Variants in NCOA3 observed in about 807,000 individuals in gnomAD.
The protein encoded by NCOA3 is CBP-interacting protein.
A neutral mutation model predicts 158.8 loss-of-function variants in NCOA3; 51 were observed. The ratio of observed to expected loss-of-function variants is 0.32; its 90% CI spans 0.26 to 0.41. The LOEUF (loss-of-function observed/expected upper bound fraction) is 0.41. Among genes scored for constraint, NCOA3 ranks in the 10% least tolerant of loss-of-function variants. The pLI is 1.00. For synonymous variants in NCOA3, 537 were observed against 592.4 expected (o/e 0.91, Z 1.36); for missense variants, 1,510 against 1,746.6 (o/e 0.86, Z 2.41).
At chr20:47,516,779 T>C (rs1306965865) in intron 1 of NCOA3, among the ~76,000 whole-genome samples, 2 of 151,748 alleles carry the variant, frequency 1.3e-5, no homozygotes, top group South Asian at 2.1e-4. Context: ...AAAATAAAAT[T>C]AGCCAGGCAT....
At chr20:47,567,999 T>C (rs144144271) in intron 1 of NCOA3, among the ~76,000 whole-genome samples, 11 of 152,360 alleles carry the variant, frequency 7.2e-5, no homozygotes, top group African/African-American at 2.6e-4. Context: ...CCACCATACC[T>C]GGTGGCTTTT....
At chr20:47,538,020 C>T (rs1420687510) in intron 1 of NCOA3, among the ~76,000 whole-genome samples, 2 of 152,186 alleles carry the variant, frequency 1.3e-5, no homozygotes, top group East Asian at 3.9e-4. Context: ...TCTGGGATTA[C>T]AGGTGCCTGC....
At chr20:47,620,339 A>G (rs564398001) in intron 2 of NCOA3, among the ~76,000 whole-genome samples, 78 of 152,304 alleles carry the variant, frequency 5.1e-4, no homozygotes, top group African/African-American at 1.8e-3. Context: ...CTCAAACTCA[A>G]GTGCCTCAAA....
rs2084627615 is a variant in NCOA3, at chr20:47,536,042, T to TTG, written c.-99+34033_-99+34034dup. Among the ~76,000 whole-genome samples the TTG allele has an allele frequency of 2.6e-5, 4 of 152,118 alleles. No individual in the cohort carries two copies. The South Asian group carries it at 6.2e-4, about 24-fold the overall frequency. On this transcript the variant is annotated intron_variant, in intron 1 of 22. Coordinates refer to ENST00000371998, the MANE Select transcript of NCOA3 (RefSeq NM_181659.3). Reference sequence around the variant, plus strand: ...TCTGTTCCTCTCGATGTCCAGCCGCTTGTGTGTGTGTCTGCTTAAGGTCCT... The same window carrying TTG: ...TCTGTTCCTCTCGATGTCCAGCCGCTTGTGTGTGTGTGTCTGCTTAAGGTCCT...
chr20:47,650,146 T>C (rs1016571869), intron 19 of NCOA3, among the ~76,000 whole-genome samples: 3 of 152,068 alleles, frequency 2.0e-5, no homozygotes, highest in African/African-American at 7.2e-5. Flanking sequence ...TTGTGGAATG[T>C]TTCTAGTCAT....
chr20:47,522,506 G>C (rs1031729740), intron 1 of NCOA3, among the ~76,000 whole-genome samples: 1 of 151,632 alleles, frequency 6.6e-6, no homozygotes, highest in South Asian at 2.1e-4. Context: ...CAGAAGGAGG[G>C]GGGCTCCAAA....
chr20:47,580,724 G>C (rs2085439672), intron 1 of NCOA3, among the ~76,000 whole-genome samples: 1 of 152,136 alleles, frequency 6.6e-6, no homozygotes. Context: ...AGATCTTAGA[G>C]GTTCTTTACA....
At chr20:47,634,884 C>T (rs2086482107) in intron 10 of NCOA3, among the ~76,000 whole-genome samples, 1 of 149,522 alleles carries the variant, frequency 6.7e-6, no homozygotes, top group African/African-American at 2.5e-5. Flanking sequence ...CCCTCTCCTT[C>T]TCTCTCCCTT....
At chr20:47,511,521 CGAGATATATATATA>C (rs2146053496) in intron 1 of NCOA3, among the ~76,000 whole-genome samples, 1 of 14,150 alleles carries the variant, frequency 7.1e-5, no homozygotes, top group African/African-American at 1.5e-4. Flanking sequence ...GTATCTCTCT[CGAGATATATATATA>C]TATATATATA....
chr20:47,580,984 C>G (rs779277269), intron 1 of NCOA3, among the ~76,000 whole-genome samples: 15 of 151,888 alleles, frequency 9.9e-5, no homozygotes, highest in Non-Finnish European at 1.5e-4. Context: ...GCCTGTAGTC[C>G]CAGCTCCTTG....
At chr20:47,539,701 A>C (rs72661194) in intron 1 of NCOA3, among the ~76,000 whole-genome samples, 1 of 152,202 alleles carries the variant, frequency 6.6e-6, no homozygotes, top group Non-Finnish European at 1.5e-5. Flanking sequence ...TTAAGATACC[A>C]TCAATTATAG....
chr20:47,574,856 C>G (rs1486938849), intron 1 of NCOA3, among the ~76,000 whole-genome samples: 1 of 152,152 alleles, frequency 6.6e-6, no homozygotes, highest in Non-Finnish European at 1.5e-5. Context: ...AAATGATTTG[C>G]ATAGTATTAT....
chr20:47,644,857 C>G (rs941369394), intron 17 of NCOA3, among the ~76,000 whole-genome samples: 12 of 152,214 alleles, frequency 7.9e-5, no homozygotes, highest in Admixed American at 2.0e-4. Context: ...GCCACCACGC[C>G]CGGCTTTTTT....
At chr20:47,502,475 CA>C (rs2083951441) in intron 1 of NCOA3, among the ~76,000 whole-genome samples, 8 of 152,182 alleles carry the variant, frequency 5.3e-5, no homozygotes, top group Admixed American at 4.6e-4. Flanking sequence ...GGACCCCCCC[CA>C]CCCCAGCCTC....
chr20:47,617,532 C>T (rs1568729451), intron 2 of NCOA3, among the ~76,000 whole-genome samples: 1 of 152,258 alleles, frequency 6.6e-6, no homozygotes, highest in East Asian at 1.9e-4. Context: ...TAGGCATTTA[C>T]CTTTTATATC....
intron 12 of NCOA3, 85 bp downstream of exon 12, chr20:47,636,847 G>T: frequency 2.3e-6 from 3 of 1,299,746 alleles, no homozygotes; most frequent in Admixed American, 2.5e-5. Flanking sequence ...TCCATTTTAG[G>T]TTTATTTAAA....
At chr20:47,610,283 G>T (rs2086022592) in intron 2 of NCOA3, among the ~76,000 whole-genome samples, 1 of 152,102 alleles carries the variant, frequency 6.6e-6, no homozygotes, top group South Asian at 2.1e-4. Context: ...AGAGTGCGGT[G>T]ATCATGGTTC....
rs141875108 is a variant in NCOA3 at position 47,627,082 on chromosome 20, A to G, written c.438A>G (p.Gln146=). Residue 146 remains glutamine (Q), a synonymous_variant, in exon 6 of 23, where the codon CAA becomes CAG. Coordinates refer to ENST00000371998, the MANE Select transcript of NCOA3 (RefSeq NM_181659.3). ...CAGAAAATGTCACACAATACCTGCA[A>G]TATAAGCAAGAGGACCTGGTTAACA... ...FVSENVTQYL[Q]YKQEDLVNTS... 4.5e-5 allele frequency: 72 copies of G among 1,612,748 alleles called. No individual in the cohort carries two copies. Among genetic ancestry groups the G allele is most frequent in the Non-Finnish European group, 6.1e-5 (72 of 1,178,878 alleles).
intron 1 of NCOA3, among the ~76,000 whole-genome samples, chr20:47,505,122 C>T (rs1158324895): frequency 9.4e-5 from 12 of 128,170 alleles, no homozygotes; most frequent in African/African-American, 2.2e-4. Context: ...AGTGCAGCGG[C>T]GCGATCTTGG....
Sources: gnomAD v4.1 joint callset for allele counts (sites outside exome capture counted in the v4.1 genomes callset) on GRCh38, gnomAD v4.1.1 for gene constraint, MANE v1.5 for transcripts, NCBI Gene and HGNC (gene_info 2026-07-23, HGNC 2026-07-21) for gene names.